FSIP2: variants seen among roughly 807,000 people sequenced by gnomAD.
FSIP2 encodes the protein fibrous sheath interacting protein 2.
FSIP2 carries 367 observed loss-of-function variants against 510.5 expected under a neutral mutation model. The ratio of observed to expected loss-of-function variants is 0.72; its 90% confidence interval spans 0.66 to 0.78. FSIP2 has a LOEUF of 0.78. FSIP2 is among the 30% of genes least tolerant of loss of function. The pLI, the probability that FSIP2 is intolerant of heterozygous loss-of-function variation, is 0.00. For missense variants in FSIP2, 7,594 were observed against 7,901.7 expected (o/e 0.96, Z 1.48); for synonymous variants, 2,601 against 2,732.2 (o/e 0.95, Z 1.50).
chr2:185,791,146 C>A lies in FSIP2; in HGVS notation c.4010C>A (p.Thr1337Asn). 1 of 1,532,908 alleles carries A rather than the reference C, an allele frequency of 6.5e-7. No homozygotes were observed. Among genetic ancestry groups the A allele is most frequent in the Non-Finnish European group, 8.7e-7 (1 of 1,144,862 alleles). 95.0% of individuals were successfully genotyped at this position (1,532,908 alleles called of 1,614,324 possible). A position where few individuals can be genotyped will look rare whatever the true frequency, so the allele number is the denominator to read the frequency against. Reference protein sequence around the residue: ...SLTDKGFFANTDKKLESLVTS... With the variant: ...SLTDKGFFANNDKKLESLVTS... ...ACAGATAAAGGATTTTTTGCTAATA[C>A]TGATAAAAAATTAGAATCTCTTGTC... is the stretch of plus-strand genomic sequence containing the variant. Residue 1337 changes from threonine to asparagine, a missense_variant, in exon 16 of 23, where the codon ACT becomes AAT. Transcript: ENST00000424728.
chr2:185,796,848 A>G lies in FSIP2; in HGVS notation c.9712A>G (p.Arg3238Gly). Residue 3238 changes from arginine to glycine, a missense_variant, in exon 16 of 23, where the codon AGA (arginine) becomes GGA (glycine). Physicochemically the swap from Arg to Gly is moderately radical, Grantham distance 125. Coordinates refer to ENST00000424728, the MANE Select transcript of FSIP2 (RefSeq NM_173651.4). ...AGAAACTATGCCATCGTGTTCTACT[A>G]GAAACAAAGTACAAGACCACAGACC... is the stretch of plus-strand genomic sequence containing the variant. Reference protein sequence around the residue: ...DSETMPSCSTRNKVQDHRPRE... With the variant: ...DSETMPSCSTGNKVQDHRPRE... 1.3e-6 allele frequency: 2 copies of G among 1,535,172 alleles called. No individual in the cohort carries two copies. Among genetic ancestry groups the G allele is most frequent in the South Asian group, 1.2e-5 (1 of 84,034 alleles).
chr2:185,795,493 AT>A lies in FSIP2; in HGVS notation c.8358del (p.Asn2786LysfsTer9), dbSNP rs1156775407. The A allele has an allele frequency of 3.9e-6, 6 of 1,534,850 alleles. No homozygotes were observed. In the East Asian group the frequency reaches 9.8e-5, roughly 25 times the overall value. ...GTTTTGCAAGAATTATATGTTACCAATAACTGCAATTTGGCTTACCCGATGA... is the reference window on the plus strand; with the variant it reads ...GTTTTGCAAGAATTATATGTTACCAAAACTGCAATTTGGCTTACCCGATGA... Reference protein sequence around the residue: ...NTVLQELYVTNNCNLAYPMKS... With the variant: ...NTVLQELYVTXNCNLAYPMKS... On this transcript the variant is annotated frameshift_variant, in exon 16 of 23. Coordinates refer to ENST00000424728, the MANE Select transcript of FSIP2 (RefSeq NM_173651.4). LOFTEE classifies it high-confidence loss of function.
rs1048090741 is a variant in FSIP2 at position 185,803,083 on chromosome 2, G to T, written c.13777G>T (p.Val4593Leu). The change falls in exon 17 of 23, where the codon GTG (valine) becomes TTG (leucine). Residue 4593 changes from valine (V) to leucine (L), a missense_variant. Val to Leu is a conservative substitution (Grantham distance 32). Transcript: ENST00000424728. ...CTGTCAAAAACATCTTCAGCCATTTGTGAGTGGAAAATCATTATCTTCATC... is the reference window on the plus strand; with the variant it reads ...CTGTCAAAAACATCTTCAGCCATTTTTGAGTGGAAAATCATTATCTTCATC... The part of the protein sequence containing the change: ...HICQKHLQPF[V>L]SGKSLSSSDT... The T allele has an allele frequency of 2.6e-6, 4 of 1,514,960 alleles. No homozygotes were observed. The highest frequency in any genetic ancestry group is 3.5e-6 in the Non-Finnish European group (4 of 1,137,872). The allele number at this position is 1,514,960 out of a possible 1,614,324, so 93.8% of individuals were successfully genotyped here. A position where few individuals can be genotyped will look rare whatever the true frequency, so the allele number is the denominator to read the frequency against.
At chr2:185,760,951 A>T in intron 9 of FSIP2, 37 bp from the exon 10 acceptor site, 1 of 846,072 alleles carries the variant, frequency 1.2e-6, no homozygotes, top group Non-Finnish European at 1.8e-6. Context: ...GTTAAAAAAA[A>T]AAAAAACTAT....
At chr2:185,751,299 G>T (rs989448243) in intron 7 of FSIP2, among the ~76,000 whole-genome samples, 1 of 151,310 alleles carries the variant, frequency 6.6e-6, no homozygotes, top group South Asian at 2.1e-4. Flanking sequence ...GATTTGATTT[G>T]TTTATTGTTA....
In FSIP2 at chr2:185,794,608, T is replaced by C; in HGVS notation, c.7472T>C (p.Leu2491Ser). The C allele has an allele frequency of 2.0e-6, 3 of 1,532,268 alleles. No individual in the cohort carries two copies. In the South Asian group the frequency reaches 3.6e-5, roughly 18 times the overall value. 94.9% of individuals were successfully genotyped at this position (1,532,268 alleles called of 1,614,324 possible). The change falls in exon 16 of 23, where the codon TTG becomes TCG. Residue 2491 changes from leucine to serine, a missense_variant. By Grantham distance (145) the Leu-to-Ser change is moderately radical (BLOSUM62 -2). Transcript: ENST00000424728. ...GELLIAVEEL[L>S]NKLYQRVREV... ...CTGCTCATTGCAGTGGAAGAACTTTTGAATAAGTTGTATCAAAGAGTAAGG... is the reference window on the plus strand; with the variant it reads ...CTGCTCATTGCAGTGGAAGAACTTTCGAATAAGTTGTATCAAAGAGTAAGG...
At chr2:185,748,577 AAG>A (rs1177362442) in intron 7 of FSIP2, among the ~76,000 whole-genome samples, 3 of 152,102 alleles carry the variant, frequency 2.0e-5, no homozygotes, top group Non-Finnish European at 4.4e-5. Context: ...CTCAAAAAAA[AAG>A]AGAAAGTATC....
intron 2 of FSIP2, among the ~76,000 whole-genome samples, chr2:185,742,064 C>T (rs1691935288): frequency 1.3e-5 from 2 of 152,120 alleles, no homozygotes; most frequent in Admixed American, 6.6e-5. Flanking sequence ...TCTGGTTTCC[C>T]ATATTACCTA....
rs1239028320 is a variant in FSIP2 at position 185,786,302 on chromosome 2, A to T, written c.1506+14A>T. 6.6e-7 allele frequency: 1 copy of T among 1,507,670 alleles called. No homozygotes were observed. Among genetic ancestry groups the T allele is most frequent in the East Asian group, 2.5e-5 (1 of 40,614 alleles). 93.4% of individuals were successfully genotyped at this position (1,507,670 alleles called of 1,614,324 possible). ...TTGCAAGAAAAAGTATGTATCATAAAATCCACCGAGAAAGCAACATATTAG... is the reference window on the plus strand; with the variant it reads ...TTGCAAGAAAAAGTATGTATCATAATATCCACCGAGAAAGCAACATATTAG... On this transcript the variant is annotated intron_variant, in intron 15 of 22. Transcript: ENST00000424728.
chr2:185,743,928 G>A (rs150096605), intron 3 of FSIP2, among the ~76,000 whole-genome samples: 3 of 152,050 alleles, frequency 2.0e-5, no homozygotes, highest in Non-Finnish European at 4.4e-5. Context: ...TGGACCTCCT[G>A]GGCTAAAGCT....
chr2:185,783,359 C>T (rs1692896483), intron 14 of FSIP2, among the ~76,000 whole-genome samples: 1 of 152,092 alleles, frequency 6.6e-6, no homozygotes, highest in African/African-American at 2.4e-5. Context: ...GAGAGGAAAA[C>T]ATGAATCTAA....
rs1178651495 is a variant in FSIP2 at position 185,802,237 on chromosome 2, G to GA, written c.12932dup (p.Ile4312AspfsTer15). ...TATTCACCTTGATTCATTTGTAAGG[G>GA]AGATTGTTGCCAGACTTTTGTCAAA... On this transcript the variant is annotated frameshift_variant, in exon 17 of 23. Transcript: ENST00000424728. LOFTEE classifies it high-confidence loss of function. The GA allele has an allele frequency of 6.5e-7, 1 of 1,533,766 alleles. No homozygotes were observed. Among genetic ancestry groups the GA allele is most frequent in the South Asian group, 1.2e-5 (1 of 84,020 alleles).
In FSIP2 at chr2:185,803,550, A is replaced by G. The variant is rs945536615; in HGVS notation, c.14244A>G (p.Ile4748Met). The change falls in exon 17 of 23, where the codon ATA becomes ATG. Residue 4748 changes from isoleucine (I) to methionine (M), a missense_variant. Physicochemically the swap from Ile to Met is conservative, Grantham distance 10. Transcript: ENST00000424728. ...IFDFQIHPDL[I>M]ANLPFKSHSK... is the part of the protein sequence containing the mutation. Reference sequence around the variant, plus strand: ...ATTTCCAAATTCATCCAGATCTTATAGCAAATCTGCCTTTTAAATCACATT... The same window carrying G: ...ATTTCCAAATTCATCCAGATCTTATGGCAAATCTGCCTTTTAAATCACATT... 28 of 1,533,040 alleles carry G rather than the reference A, an allele frequency of 1.8e-5. No homozygotes were observed. Among genetic ancestry groups the G allele is most frequent in the Non-Finnish European group, 2.3e-5 (26 of 1,144,958 alleles). The allele number at this position is 1,533,040 out of a possible 1,614,324, so 95.0% of individuals were successfully genotyped here. A position where few individuals can be genotyped will look rare whatever the true frequency, so the allele number is the denominator to read the frequency against.
intron 19 of FSIP2, among the ~76,000 whole-genome samples, chr2:185,823,408 G>A (rs1056050995): frequency 2.6e-5 from 4 of 151,480 alleles, no homozygotes; most frequent in Non-Finnish European, 4.4e-5. Context: ...ACTTGAATAG[G>A]CAGTTCTCTA....
In FSIP2 at chr2:185,800,140, A is replaced by C; in HGVS notation, c.10834A>C (p.Ile3612Leu). The C allele has an allele frequency of 6.5e-7, 1 of 1,534,038 alleles. No homozygotes were observed. Residue 3612 changes from isoleucine (I) to leucine (L), a missense_variant, in exon 17 of 23, where the codon ATT becomes CTT. Transcript: ENST00000424728. ...DLFQDLLVGVIHVLSKEIEVD... is the reference protein window; with the variant it reads ...DLFQDLLVGVLHVLSKEIEVD... ...CTTTCAGGATCTCTTAGTAGGAGTG[A>C]TTCATGTACTGTCCAAAGAAATAGA...
In FSIP2 at chr2:185,790,569, C is replaced by A. The variant is rs1206128070; in HGVS notation, c.3433C>A (p.Pro1145Thr). 6.5e-7 allele frequency: 1 copy of A among 1,533,714 alleles called. No individual in the cohort carries two copies. The highest frequency in any genetic ancestry group is 8.7e-7 in the Non-Finnish European group (1 of 1,145,438). The change falls in exon 16 of 23, where the codon CCT (proline) becomes ACT (threonine). Residue 1145 changes from proline (P) to threonine (T), a missense_variant. Transcript: ENST00000424728. ...AGCTTCAGTTCTTGTTTCAGAAAAG[C>A]CTCAAGGACTGTCACATCAAGAATG... ...SEASVLVSEK[P>T]QGLSHQEWID...
chr2:185,764,886 G>A (rs889638611), intron 13 of FSIP2: 1 of 202,896 alleles, frequency 4.9e-6, no homozygotes, highest in East Asian at 1.1e-4. Context: ...GGATCAGAAG[G>A]AATTTCCTAT....
chr2:185,794,071 T>C lies in FSIP2; in HGVS notation c.6935T>C (p.Leu2312Pro). ...CAAGTGGAATCAGATGTAAATGTCC[T>C]GAAAATATCAGCAACTGAAACCATT... ...SSQVESDVNV[L>P]KISATETILS... The change falls in exon 16 of 23, where the codon CTG becomes CCG. Residue 2312 changes from leucine (L) to proline (P), a missense_variant. Coordinates refer to ENST00000424728, the MANE Select transcript of FSIP2 (RefSeq NM_173651.4). 1.3e-6 allele frequency: 2 copies of C among 1,531,550 alleles called. No individual in the cohort carries two copies. The highest frequency in any genetic ancestry group is 1.7e-6 in the Non-Finnish European group (2 of 1,143,898). 94.9% of individuals were successfully genotyped at this position (1,531,550 alleles called of 1,614,324 possible). A position where few individuals can be genotyped will look rare whatever the true frequency, so the allele number is the denominator to read the frequency against.
chr2:185,807,175 A>G lies in FSIP2; in HGVS notation c.17869A>G (p.Ile5957Val), dbSNP rs1462590157. The G allele has an allele frequency of 6.2e-7, 1 of 1,601,800 alleles. No homozygotes were observed. Among genetic ancestry groups the G allele is most frequent in the Non-Finnish European group, 8.5e-7 (1 of 1,176,028 alleles). The change falls in exon 17 of 23, where the codon ATT becomes GTT. Residue 5957 changes from isoleucine to valine, a missense_variant. Ile to Val is a conservative substitution (Grantham distance 29). Transcript: ENST00000424728. ...RRLTSAVINE[I>V]FQRQVNLIFC... ...ACTAACTAGTGCAGTGATAAATGAA[A>G]TTTTCCAACGTCAGGTTAACTTGAT...
Sources: gnomAD v4.1 joint callset for allele counts (sites outside exome capture counted in the v4.1 genomes callset) on GRCh38, gnomAD v4.1.1 for gene constraint, MANE v1.5 for transcripts, NCBI Gene and HGNC (gene_info 2026-07-23, HGNC 2026-07-21) for gene names.